SIRPB1: variants seen among roughly 807,000 people sequenced by gnomAD.
SIRPB1 encodes the protein signal-regulatory protein beta-1.
A neutral mutation model predicts 34.1 loss-of-function variants in SIRPB1; 28 were observed. The ratio of observed to expected loss-of-function variants is 0.82; its 90% CI spans 0.61 to 1.12. The LOEUF is 1.12. Ranked by LOEUF, SIRPB1 falls within the 50% of genes most tolerant of loss-of-function variation. The pLI is 0.00. For missense variants in SIRPB1, 499 were observed against 507.0 expected (o/e 0.98, Z 0.15); for synonymous variants, 211 against 203.8 (o/e 1.04, Z -0.30).
At chr20:1,578,208 G>A (rs2122223626) in intron 2 of SIRPB1, 130 bp downstream of exon 2, 1 of 1,006,132 alleles carries the variant, frequency 9.9e-7, no homozygotes, top group Middle Eastern at 2.2e-4. Flanking sequence ...TGGAGAAAGG[G>A]TGACATCAGT....
At chr20:1,598,915 G>T in intron 1 of SIRPB1, 1 of 567,946 alleles carries the variant, frequency 1.8e-6, no homozygotes, top group Non-Finnish European at 2.3e-6. Flanking sequence ...GAGAAGTGGA[G>T]CAGCAGAAGC....
chr20:1,569,882 C>G (rs1158903991), intron 4 of SIRPB1, among the ~76,000 whole-genome samples: 1 of 152,138 alleles, frequency 6.6e-6, no homozygotes, highest in African/African-American at 2.4e-5. Context: ...TAGAGGGACC[C>G]CTCCTGGTAT....
chr20:1,597,723 T>C lies in SIRPB1; in HGVS notation c.77-19029A>G. On this transcript the variant is annotated intron_variant, in intron 1 of 5. Coordinates refer to ENST00000381605, the MANE Select transcript of SIRPB1 (RefSeq NM_006065.5). ...GAGGAAGGATAATCATTTTTCTCCT[T>C]AAAACCAGGATGAGTGTTAATTTGT... is the stretch of plus-strand genomic sequence containing the variant. 2 of 351,798 alleles carry C rather than the reference T, an allele frequency of 5.7e-6. 1 individual carries two copies. The highest frequency in any genetic ancestry group is 6.5e-6 in the Non-Finnish European group (2 of 306,850). 21.8% of individuals were successfully genotyped at this position (351,798 alleles called of 1,614,324 possible).
intron 4 of SIRPB1, among the ~76,000 whole-genome samples, chr20:1,566,943 A>T (rs1439545786): frequency 6.6e-6 from 1 of 152,132 alleles, no homozygotes; most frequent in Non-Finnish European, 1.5e-5. Flanking sequence ...GGCCTCAGAC[A>T]TCATCTCTCC....
At chr20:1,615,057 T>A (rs2091610835) in intron 1 of SIRPB1, among the ~76,000 whole-genome samples, 1 of 152,234 alleles carries the variant, frequency 6.6e-6, no homozygotes, top group Non-Finnish European at 1.5e-5. Flanking sequence ...TGCATATTAA[T>A]GTCACATAAT....
At chr20:1,566,298 G>A in intron 4 of SIRPB1, 31 bp from the exon 5 acceptor site, 1 of 1,445,918 alleles carries the variant, frequency 6.9e-7, no homozygotes, top group South Asian at 1.2e-5. Context: ...GGAGCCATGA[G>A]AGGGGCCACC....
intron 2 of SIRPB1, among the ~76,000 whole-genome samples, chr20:1,577,029 G>T (rs1195401612): frequency 6.8e-6 from 1 of 148,104 alleles, no homozygotes; most frequent in Non-Finnish European, 1.5e-5. Context: ...GTATTTTTCA[G>T]CTGTAAAAAA....
At position 1,605,260 on chromosome 20, in the gene SIRPB1, G is replaced by A. The variant is rs189607793; in HGVS notation, c.76+14609C>T. The stretch of plus-strand genomic sequence containing the variant: ...GGAGAGGTGAGGACCCATGTGAGGT[G>A]AGACAGTGTAGGGGCAGGGCCCAGA... On this transcript the variant is annotated intron_variant, in intron 1 of 5. Transcript: ENST00000381605. 4.1e-5 allele frequency among the ~76,000 whole-genome samples: 2 copies of A among 49,036 alleles called. 1 individual carries two copies. Among genetic ancestry groups the A allele is most frequent in the South Asian group, 1.5e-3 (2 of 1,312 alleles). The allele number at this position is 49,036 out of a possible 152,430, so 32.2% of individuals were successfully genotyped here. A position where few individuals can be genotyped will look rare whatever the true frequency, so the allele number is the denominator to read the frequency against.
Position 1,561,888 on chromosome 20 carries a change from A to G in SIRPB1, c.*3612T>C, listed in dbSNP as rs2122142208. 6.6e-6 allele frequency among the ~76,000 whole-genome samples: 1 copy of G among 152,308 alleles called. No individual in the cohort carries two copies. Among genetic ancestry groups the G allele is most frequent in the Non-Finnish European group, 1.5e-5 (1 of 68,014 alleles). ...AGCCCACACTTCAGGAGTGGAAGTT[A>G]TGTTCCACCTCCTTTAGAGTGGAGT... On this transcript the variant is annotated 3_prime_UTR_variant, in exon 6 of 6. Coordinates refer to ENST00000381605, the MANE Select transcript of SIRPB1 (RefSeq NM_006065.5).
Position 1,561,516 on chromosome 20 carries a change from C to T in SIRPB1, c.*3984G>A, listed in dbSNP as rs1247329059. ...CTCCTCAAGCTTCTCTTGGCTATGA[C>T]AGTTTTTTAGACTTTCCTTGATTTT... On this transcript the variant is annotated 3_prime_UTR_variant, in exon 6 of 6. Transcript: ENST00000381605. Among the ~76,000 whole-genome samples the T allele has an allele frequency of 6.6e-6, 1 of 152,036 alleles. No homozygotes were observed. Among genetic ancestry groups the T allele is most frequent in the African/African-American group, 2.4e-5 (1 of 41,400 alleles).
At chr20:1,615,555 C>G (rs572616202) in intron 1 of SIRPB1, among the ~76,000 whole-genome samples, 1 of 152,194 alleles carries the variant, frequency 6.6e-6, no homozygotes, top group Admixed American at 6.5e-5. Context: ...TATTATTACT[C>G]GGTTTGTTGA....
intron 1 of SIRPB1, among the ~76,000 whole-genome samples, chr20:1,616,336 C>T (rs967155920): frequency 1.3e-5 from 2 of 152,172 alleles, no homozygotes; most frequent in African/African-American, 4.8e-5. Flanking sequence ...GTAATCAAAA[C>T]AGCATGGCAC....
chr20:1,578,281 T>C, intron 2 of SIRPB1, 57 bp downstream of exon 2: 1 of 1,519,018 alleles, frequency 6.6e-7, no homozygotes, highest in Admixed American at 1.7e-5. Context: ...ATGGATAATG[T>C]AATTATTGAG....
rs1320613672 is a variant in SIRPB1, at chr20:1,578,601, G to A, written c.170C>T (p.Thr57Met). Residue 57 changes from threonine to methionine, a missense_variant, in exon 2 of 6, where the codon ACG (threonine) becomes ATG (methionine). Coordinates refer to ENST00000381605, the MANE Select transcript of SIRPB1 (RefSeq NM_006065.5). ...GATGGGCCCCACAGGGATCAGGGAC[G>A]TCATAGCACAGCGCAGAGTGGCCGA... The part of the protein sequence containing the change: ...GESATLRCAM[T>M]SLIPVGPIMW... 1.3e-5 allele frequency: 21 copies of A among 1,584,098 alleles called. 2 individuals carry two copies. The highest frequency in any genetic ancestry group is 6.6e-5 in the South Asian group (6 of 90,490).
chr20:1,615,827 A>G (rs2318043), intron 1 of SIRPB1, among the ~76,000 whole-genome samples: 30,552 of 152,204 alleles, frequency 0.2, 3,351 homozygotes, highest in Admixed American at 0.32. Context: ...TCTATAAGAT[A>G]AAAGTTATAT....
intron 1 of SIRPB1, among the ~76,000 whole-genome samples, chr20:1,612,661 C>T (rs193201041): frequency 1.4e-5 from 1 of 72,674 alleles, no homozygotes; most frequent in Non-Finnish European, 2.6e-5. Flanking sequence ...AGTAGAAATA[C>T]AACATTGTTT....
chr20:1,616,422 T>C (rs951245130), intron 1 of SIRPB1, among the ~76,000 whole-genome samples: 2 of 152,174 alleles, frequency 1.3e-5, no homozygotes, highest in African/African-American at 2.4e-5. Context: ...TTACACTCAA[T>C]TGACCTTTGA....
intron 4 of SIRPB1, among the ~76,000 whole-genome samples, chr20:1,566,636 G>A (rs1049001778): frequency 6.6e-6 from 1 of 152,176 alleles, no homozygotes; most frequent in Non-Finnish European, 1.5e-5. Flanking sequence ...GGGAGTGTCA[G>A]GAGATTAGTA....
Position 1,578,528 on chromosome 20 carries a change from C to G in SIRPB1, c.243G>C (p.Gln81His). 2 of 1,583,872 alleles carry G rather than the reference C, an allele frequency of 1.3e-6. No individual in the cohort carries two copies. Among genetic ancestry groups the G allele is most frequent in the African/African-American group, 1.4e-5 (1 of 73,902 alleles). The change falls in exon 2 of 6, where the codon CAG (glutamine) becomes CAC (histidine). Residue 81 changes from glutamine (Q) to histidine (H), a missense_variant. By Grantham distance (24) the Gln-to-His change is conservative (BLOSUM62 0). Coordinates refer to ENST00000381605, the MANE Select transcript of SIRPB1 (RefSeq NM_006065.5). Reference protein sequence around the residue: ...AGAGRELIYNQKEGHFPRVTT... With the variant: ...AGAGRELIYNHKEGHFPRVTT... Reference sequence around the variant, plus strand: ...TTACCCGTGGGAAGTGGCCTTCTTTCTGATTGTAGATTAATTCCCGGCCTG... The same window carrying G: ...TTACCCGTGGGAAGTGGCCTTCTTTGTGATTGTAGATTAATTCCCGGCCTG...
Sources: gnomAD v4.1 joint callset for allele counts (sites outside exome capture counted in the v4.1 genomes callset) on GRCh38, gnomAD v4.1.1 for gene constraint, MANE v1.5 for transcripts, NCBI Gene and HGNC (gene_info 2026-07-23, HGNC 2026-07-21) for gene names.